The following LGALS8 variants were observed in gnomAD, a reference collection of about 807,000 sequenced individuals.
The protein encoded by LGALS8 is galectin 8, also known as galectin-8.
A neutral mutation model predicts 35.9 loss-of-function variants in LGALS8; 30 were observed. That is an observed-to-expected ratio of 0.83 (90% CI 0.62 to 1.13). LGALS8 has a LOEUF of 1.13. Among genes scored for constraint, LGALS8 ranks in the 50% most tolerant of loss-of-function variants. LGALS8 has a pLI of 0.00. For synonymous variants in LGALS8, 138 were observed against 136.1 expected, an observed-to-expected ratio of 1.01 and a Z score of -0.10; for missense variants, 366 against 388.7, an observed-to-expected ratio of 0.94 and a Z score of 0.49.
At chr1:236,536,032 GCAAA>G (rs1661474293) in intron 2 of LGALS8, 4 of 152,266 alleles carry the variant, frequency 2.6e-5, no homozygotes, top group Non-Finnish European at 4.4e-5. Context: ...AAAGCTACAT[GCAAA>G]CAAACAGAAT....
chr1:236,541,761 C>T, intron 6 of LGALS8, 51 bp downstream of exon 6: 1 of 946,396 alleles, frequency 1.1e-6, no homozygotes, highest in Admixed American at 2.7e-5. Flanking sequence ...GTTGTTTTAG[C>T]TGCCATGTTA....
intron 2 of LGALS8, among the ~76,000 whole-genome samples, chr1:236,530,552 C>T (rs1457684524): frequency 6.6e-6 from 1 of 152,118 alleles, no homozygotes; most frequent in African/African-American, 2.4e-5. Flanking sequence ...TCCAACCTTT[C>T]ACCTAATGTG....
intron 9 of LGALS8, among the ~76,000 whole-genome samples, chr1:236,546,290 G>A (rs541165313): frequency 2.6e-5 from 4 of 152,150 alleles, no homozygotes; most frequent in Non-Finnish European, 5.9e-5. Flanking sequence ...TCTAATTCAG[G>A]AGCAGTAATT....
chr1:236,538,729 A>G (rs2103091691), intron 3 of LGALS8, 150 bp from the exon 4 acceptor site: 1 of 628,730 alleles, frequency 1.6e-6, no homozygotes, highest in Non-Finnish European at 2.9e-6. Context: ...AAAAGATTAG[A>G]CAGTCAGCTC....
intron 3 of LGALS8, among the ~76,000 whole-genome samples, chr1:236,538,581 C>CT (rs1661733766): frequency 6.6e-6 from 1 of 152,230 alleles, no homozygotes; most frequent in African/African-American, 2.4e-5. Context: ...TCCCTGAGCA[C>CT]TTCACTTCCA....
chr1:236,551,024 C>CT lies in LGALS8; in HGVS notation c.*2864dup, dbSNP rs890375263. The CT allele has an allele frequency of 8.7e-6, 13 of 1,485,744 alleles. No individual in the cohort carries two copies. Among genetic ancestry groups the CT allele is most frequent in the Non-Finnish European group, 1.2e-5 (13 of 1,096,180 alleles). 92.0% of individuals were successfully genotyped at this position (1,485,744 alleles called of 1,614,324 possible). On this transcript the variant is annotated 3_prime_UTR_variant, in exon 10 of 10. Transcript: ENST00000366584. ...AAAAAAAAAAAATCAAAATTAAAAT[C>CT]TGAGTCAGTCCGCCTGCCTCGGTTC... is the stretch of plus-strand genomic sequence containing the variant.
upstream of LGALS8, among the ~76,000 whole-genome samples, chr1:236,519,872 A>G (rs1660502165): frequency 1.3e-5 from 2 of 151,360 alleles, no homozygotes; most frequent in African/African-American, 4.9e-5. Flanking sequence ...CAAACATTTT[A>G]GTGGACTATA....
intron 1 of LGALS8, among the ~76,000 whole-genome samples, chr1:236,524,960 C>T (rs532434791): frequency 1.6e-4 from 24 of 152,190 alleles, no homozygotes; most frequent in Admixed American, 1.3e-3. Context: ...GACAGAATTG[C>T]TGGAAGTAAA....
intron 2 of LGALS8, chr1:236,536,802 A>C (rs1166875057): frequency 6.6e-6 from 1 of 151,222 alleles, no homozygotes; most frequent in Non-Finnish European, 1.5e-5. Context: ...TGTTGGGATC[A>C]GCAGTGGAAC....
intron 8 of LGALS8, 60 bp from the exon 9 acceptor site, chr1:236,544,690 T>G: frequency 7.5e-7 from 1 of 1,337,070 alleles, no homozygotes; most frequent in Non-Finnish European, 1.0e-6. Flanking sequence ...TTGCTGAAAT[T>G]GCCACTACTC....
rs1269078483 is a variant in LGALS8 at position 236,545,593 on chromosome 1, C to T, written c.804+678C>T. 2.0e-5 allele frequency among the ~76,000 whole-genome samples: 3 copies of T among 152,292 alleles called. No homozygotes were observed. In the East Asian group the frequency reaches 5.8e-4, roughly 29 times the overall value. ...GGTTATCATTCTACAGCATTTTAAA[C>T]TGACACATTGTCTGGACCATGTGGG... is the stretch of plus-strand genomic sequence containing the variant. On this transcript the variant is annotated intron_variant, in intron 9 of 9. Coordinates refer to ENST00000366584, the MANE Select transcript of LGALS8 (RefSeq NM_201544.4).
intron 2 of LGALS8, among the ~76,000 whole-genome samples, chr1:236,528,148 C>T (rs777497480): frequency 3.9e-5 from 6 of 152,040 alleles, no homozygotes; most frequent in Admixed American, 2.0e-4. Context: ...TTTGGGAGGC[C>T]GAGGCAGGTG....
rs1661251602 is a variant in LGALS8, at chr1:236,533,292, CA to C, written c.46-4204del. ...CTACCTCAGTTAGAATTCCTTATCC[CA>C]TTTTCCTGAAGCATTTCTTTGACTC... is the stretch of plus-strand genomic sequence containing the variant. On this transcript the variant is annotated intron_variant, in intron 2 of 9. Transcript: ENST00000366584. Among the ~76,000 whole-genome samples, 3 of 152,046 alleles carry C rather than the reference CA, an allele frequency of 2.0e-5. No homozygotes were observed. The South Asian group carries it at 6.2e-4, about 32-fold the overall frequency.
upstream of LGALS8, chr1:236,523,897 G>A (rs933390213): frequency 1.1e-5 from 4 of 349,372 alleles, no homozygotes; most frequent in East Asian, 2.3e-4. Context: ...GCGCGGGGAG[G>A]GTGGGGAGAC....
chr1:236,543,532 C>G, intron 7 of LGALS8, 28 bp from the exon 8 acceptor site: 1 of 1,565,570 alleles, frequency 6.4e-7, no homozygotes, highest in Non-Finnish European at 8.8e-7. Flanking sequence ...CTGCAGGCCT[C>G]TTGGTCCTGA....
At chr1:236,545,166 A>G (rs1000803050) in intron 9 of LGALS8, 2 of 285,476 alleles carry the variant, frequency 7.0e-6, no homozygotes, top group Non-Finnish European at 1.3e-5. Flanking sequence ...GTGTAGCCCC[A>G]TATTGATAGG....
At position 236,526,127 on chromosome 1, in the gene LGALS8, C is replaced by T. The variant is rs577424103; in HGVS notation, c.45+12C>T. 3.0e-5 allele frequency: 47 copies of T among 1,582,584 alleles called. No homozygotes were observed. The highest frequency in any genetic ancestry group is 3.5e-5 in the Non-Finnish European group (40 of 1,152,018). ...TCATCTATAACCCGGTAACTGATTT[C>T]TATAAGATAACTTTTTACCTATGCC... On this transcript the variant is annotated intron_variant, in intron 2 of 9. Coordinates refer to ENST00000366584, the MANE Select transcript of LGALS8 (RefSeq NM_201544.4). This position sits in a 1 kb window ranked among gnomAD's most constrained non-coding sequence, Gnocchi z 4.6.
chr1:236,539,927 C>T (rs902285675), intron 4 of LGALS8, among the ~76,000 whole-genome samples: 22 of 152,030 alleles, frequency 1.4e-4, no homozygotes, highest in Middle Eastern at 3.4e-3. Context: ...GTATGCTGCT[C>T]GCGTTTTCTG....
chr1:236,544,722 G>GTTGT, intron 8 of LGALS8, 28 bp from the exon 9 acceptor site: 1 of 1,347,390 alleles, frequency 7.4e-7, no homozygotes, highest in Admixed American at 2.2e-5. Flanking sequence ...GTTAATTAAG[G>GTTGT]TTTTTTTTTT....
Sources: allele counts gnomAD v4.1 joint callset (sites outside exome capture counted in the v4.1 genomes callset), GRCh38; gene constraint gnomAD v4.1.1; non-coding constraint Gnocchi (gnomAD v3.1); transcripts MANE v1.5; gene names NCBI Gene and HGNC (gene_info 2026-07-23, HGNC 2026-07-21).